C1orf174: variants seen among roughly 807,000 people sequenced by gnomAD.
C1orf174 encodes UPF0688 protein C1orf174.
A neutral mutation model predicts 18.4 loss-of-function variants in C1orf174; 13 were observed. That is an observed-to-expected ratio of 0.71 (90% CI 0.46 to 1.12). The LOEUF is 1.12. Ranked by LOEUF, C1orf174 falls within the 50% of genes most tolerant of loss-of-function variation. The pLI is 0.00. For missense variants in C1orf174, 309 were observed against 308.0 expected (o/e 1.00, Z -0.02); for synonymous variants, 100 against 118.3 (o/e 0.85, Z 1.01).
In C1orf174 at chr1:3,892,827, A is replaced by G. The variant is rs1051154088; in HGVS notation, c.129+56T>C. 1.9e-6 allele frequency: 3 copies of G among 1,581,980 alleles called. No individual in the cohort carries two copies. In the African/African-American group the frequency reaches 4.0e-5, roughly 21 times the overall value. The stretch of plus-strand genomic sequence containing the variant: ...ACACATCTTGGAGTGGCAATTTTGT[A>G]TAAAAATGGACCCTCGAGTCAGGAT... On this transcript the variant is annotated intron_variant, in intron 2 of 3. Transcript: ENST00000361605.
intron 3 of C1orf174, 75 bp downstream of exon 3, chr1:3,890,494 T>C (rs1320371299): frequency 3.2e-6 from 5 of 1,563,372 alleles, no homozygotes; most frequent in South Asian, 1.2e-5. Flanking sequence ...TTACCTGCAC[T>C]GAGTGGGGAG....
At chr1:3,891,295 A>G in intron 2 of C1orf174, 1 of 515,290 alleles carries the variant, frequency 1.9e-6, no homozygotes, top group Non-Finnish European at 3.4e-6. Context: ...TTACAGCTCC[A>G]CACCACTCCT....
chr1:3,900,132 G>A (rs778418311), intron 1 of C1orf174, 40 bp downstream of exon 1: 3 of 1,567,070 alleles, frequency 1.9e-6, no homozygotes, highest in South Asian at 1.1e-5. Context: ...CAGAGTCCCC[G>A]CCCTGCCCGG....
At chr1:3,890,364 C>A (rs1638483365) in intron 3 of C1orf174, among the ~76,000 whole-genome samples, 1 of 152,294 alleles carries the variant, frequency 6.6e-6, no homozygotes, top group South Asian at 2.1e-4. Context: ...ACACCTTTCC[C>A]GAGAGCAGTG....
At chr1:3,891,786 G>A in intron 2 of C1orf174, 2 of 986,310 alleles carry the variant, frequency 2.0e-6, no homozygotes, top group Middle Eastern at 5.2e-4. Context: ...CACGCTAAGA[G>A]CAGAGCGATG....
At position 3,890,584 on chromosome 1, in the gene C1orf174, G is replaced by A. The variant is rs770709275; in HGVS notation, c.603C>T (p.Asn201=). The change falls in exon 3 of 4, where the codon AAC becomes AAT. Residue 201 remains asparagine (N), a synonymous_variant. Coordinates refer to ENST00000361605, the MANE Select transcript of C1orf174 (RefSeq NM_207356.3). ...CCGCTCTTACCTGCATGAGCTCAACGTTTCCAAAGAACCGGCTCACGGGCA... is the reference window on the plus strand; with the variant it reads ...CCGCTCTTACCTGCATGAGCTCAACATTTCCAAAGAACCGGCTCACGGGCA... ...QPMPVSRFFG[N]VELMQDLPPA... 1.2e-5 allele frequency: 20 copies of A among 1,613,956 alleles called. No individual in the cohort carries two copies. The highest frequency in any genetic ancestry group is 7.7e-5 in the South Asian group (7 of 91,076).
chr1:3,892,763 C>T, intron 2 of C1orf174, 120 bp downstream of exon 2: 2 of 1,490,614 alleles, frequency 1.3e-6, no homozygotes, highest in South Asian at 2.7e-5. Flanking sequence ...AATAGTCCCC[C>T]TCTGGCAGAT....
chr1:3,894,181 C>T (rs1026829276), intron 1 of C1orf174, among the ~76,000 whole-genome samples: 4 of 151,938 alleles, frequency 2.6e-5, no homozygotes, highest in Admixed American at 6.6e-5. Context: ...TTGACATGGC[C>T]GGGAAAGGCC....
chr1:3,891,260 A>G, intron 2 of C1orf174: 1 of 632,154 alleles, frequency 1.6e-6, no homozygotes, highest in East Asian at 3.1e-5. Context: ...CACCACTCCT[A>G]CACTTTCAGT....
intron 1 of C1orf174, among the ~76,000 whole-genome samples, chr1:3,898,174 C>T (rs950052284): frequency 2.0e-5 from 3 of 152,064 alleles, no homozygotes; most frequent in African/African-American, 4.8e-5. Context: ...TCAACATGCT[C>T]AAATAAACTT....
chr1:3,890,225 A>G (rs978245735), intron 3 of C1orf174, 152 bp from the exon 4 acceptor site: 4 of 664,464 alleles, frequency 6.0e-6, no homozygotes, highest in African/African-American at 1.8e-5. Flanking sequence ...TCGCCTCTAG[A>G]TGAGAACTTC....
At chr1:3,897,983 G>C (rs1182370937) in intron 1 of C1orf174, among the ~76,000 whole-genome samples, 2 of 152,026 alleles carry the variant, frequency 1.3e-5, no homozygotes, top group Non-Finnish European at 2.9e-5. Flanking sequence ...GAATCTTAAT[G>C]AACAGAACTC....
At chr1:3,898,914 A>C (rs1638657109) in intron 1 of C1orf174, among the ~76,000 whole-genome samples, 1 of 152,254 alleles carries the variant, frequency 6.6e-6, no homozygotes, top group Non-Finnish European at 1.5e-5. Context: ...TACCACAAAA[A>C]TAACCATATA....
At chr1:3,890,189 G>A (rs187557057) in intron 3 of C1orf174, 116 bp from the exon 4 acceptor site, 15 of 776,766 alleles carry the variant, frequency 1.9e-5, no homozygotes, top group Admixed American at 9.8e-5. Flanking sequence ...CCTTTTAGAC[G>A]TGTGAAAATG....
intron 1 of C1orf174, among the ~76,000 whole-genome samples, chr1:3,899,916 G>A (rs975173398): frequency 6.6e-4 from 99 of 150,084 alleles, no homozygotes; most frequent in African/African-American, 2.2e-3. Flanking sequence ...CCCTTCTCCC[G>A]GGGACGTGAC....
intron 1 of C1orf174, among the ~76,000 whole-genome samples, chr1:3,897,338 TAAA>T (rs1467761800): frequency 6.6e-6 from 1 of 152,108 alleles, no homozygotes; most frequent in Non-Finnish European, 1.5e-5. Context: ...ATAAATTACT[TAAA>T]AACCAAATGG....
At chr1:3,893,901 A>T (rs1421063055) in intron 1 of C1orf174, among the ~76,000 whole-genome samples, 1 of 152,192 alleles carries the variant, frequency 6.6e-6, no homozygotes, top group Admixed American at 6.5e-5. Flanking sequence ...GTCTCTGAAA[A>T]AATAATAATA....
rs1416538894 is a variant in C1orf174, at chr1:3,890,084, A to G, written c.619-11T>C. 1 of 1,606,386 alleles carries G rather than the reference A, an allele frequency of 6.2e-7. No individual in the cohort carries two copies. Among genetic ancestry groups the G allele is most frequent in the African/African-American group, 1.3e-5 (1 of 74,680 alleles). On this transcript the variant is annotated splice_polypyrimidine_tract_variant and intron_variant, in intron 3 of 3. Transcript: ENST00000361605. ...CGCAGGTGGGAGGTCCTTAGTGGAG[A>G]AGAAAACATGACTTCAGTCATGAGC...
At chr1:3,894,851 G>T (rs975071937) in intron 1 of C1orf174, among the ~76,000 whole-genome samples, 2 of 152,150 alleles carry the variant, frequency 1.3e-5, no homozygotes, top group Non-Finnish European at 2.9e-5. Flanking sequence ...ACAGCACACC[G>T]GGGGCTGCGC....
Sources: allele counts gnomAD v4.1 joint callset (sites outside exome capture counted in the v4.1 genomes callset), GRCh38; gene constraint gnomAD v4.1.1; transcripts MANE v1.5; gene names NCBI Gene and HGNC (gene_info 2026-07-23, HGNC 2026-07-21).